ROR1: variants seen among roughly 807,000 people sequenced by gnomAD.
The protein encoded by ROR1 is inactive tyrosine-protein kinase transmembrane receptor ROR1.
In ROR1, 19 loss-of-function variants were observed where a neutral mutation model predicts 78.8. That is an observed-to-expected ratio of 0.24 (90% CI 0.17 to 0.35). ROR1 has a LOEUF of 0.35. Among genes scored for constraint, ROR1 ranks in the 10% least tolerant of loss-of-function variants. The probability of loss-of-function intolerance (pLI) is 1.00; values close to 1 mark genes in which losing one functional copy is unlikely to be tolerated. For synonymous variants in ROR1, 386 were observed against 433.6 expected (o/e 0.89, Z 1.36); for missense variants, 917 against 1,177.8 (o/e 0.78, Z 3.24).
At chr1:63,971,878 TGGAGA>T (rs1646122307) in intron 1 of ROR1, among the ~76,000 whole-genome samples, 1 of 152,126 alleles carries the variant, frequency 6.6e-6, no homozygotes, top group Non-Finnish European at 1.5e-5. Flanking sequence ...TGCCAGCAGT[TGGAGA>T]GCAGTATATT....
intron 4 of ROR1, among the ~76,000 whole-genome samples, chr1:64,116,502 A>G (rs916631221): frequency 2.6e-5 from 4 of 152,176 alleles, no homozygotes; most frequent in Non-Finnish European, 4.4e-5. Flanking sequence ...CTTTTACGAA[A>G]GGAATATGTT....
In ROR1 at chr1:64,140,313, T is replaced by C. The variant is rs1339735032; in HGVS notation, c.815T>C (p.Met272Thr). 1 of 1,614,136 alleles carries C rather than the reference T, an allele frequency of 6.2e-7. No homozygotes were observed. Among genetic ancestry groups the C allele is most frequent in the African/African-American group, 1.3e-5 (1 of 75,026 alleles). ...TEYIFARSNP[M>T]ILMRLKLPNC... ...TACATTTTTGCAAGATCAAATCCCATGATTCTGATGAGGCTGAAACTGCCA... is the reference window on the plus strand; with the variant it reads ...TACATTTTTGCAAGATCAAATCCCACGATTCTGATGAGGCTGAAACTGCCA... The change falls in exon 6 of 9, where the codon ATG (methionine) becomes ACG (threonine). Residue 272 changes from methionine (M) to threonine (T), a missense_variant. By Grantham distance (81) the Met-to-Thr change is moderately conservative (BLOSUM62 -1). Around this residue, in one of 3 missense-constraint regions of ROR1, gnomAD observed 835 missense variants for 1,069.8 expected, o/e 0.78. Transcript: ENST00000371079.
At chr1:63,998,845 G>A (rs796697652) in intron 1 of ROR1, among the ~76,000 whole-genome samples, 1 of 152,100 alleles carries the variant, frequency 6.6e-6, no homozygotes, top group Non-Finnish European at 1.5e-5. Flanking sequence ...ATGTGTTGAG[G>A]GACCCAGTGG....
chr1:63,985,120 C>T (rs182559300), intron 1 of ROR1, among the ~76,000 whole-genome samples: 25 of 152,186 alleles, frequency 1.6e-4, no homozygotes, highest in South Asian at 2.1e-4. Flanking sequence ...CCTGGGTCTC[C>T]GCACTTTCTC....
intron 1 of ROR1, among the ~76,000 whole-genome samples, chr1:63,996,102 A>G (rs1046911928): frequency 5.9e-5 from 9 of 152,184 alleles, no homozygotes; most frequent in African/African-American, 2.2e-4. Context: ...GTTTGGTGCA[A>G]CATTGATACT....
intron 7 of ROR1, among the ~76,000 whole-genome samples, chr1:64,157,834 C>T (rs1282837173): frequency 5.9e-5 from 9 of 152,176 alleles, no homozygotes; most frequent in African/African-American, 4.8e-5. Flanking sequence ...TAGTGCCTGA[C>T]ATGCAGTAGC....
chr1:63,973,334 C>G (rs548264425), intron 1 of ROR1, among the ~76,000 whole-genome samples: 1 of 152,308 alleles, frequency 6.6e-6, no homozygotes, highest in Non-Finnish European at 1.5e-5. Context: ...CTGCCCAGAG[C>G]ATATTTATGA....
chr1:63,885,511 G>A (rs1415744721), intron 1 of ROR1, among the ~76,000 whole-genome samples: 1 of 152,134 alleles, frequency 6.6e-6, no homozygotes, highest in Non-Finnish European at 1.5e-5. Context: ...CTTTTGTTCT[G>A]AAGGAGCTTC....
intron 1 of ROR1, among the ~76,000 whole-genome samples, chr1:64,001,679 G>A (rs1199882934): frequency 6.6e-6 from 1 of 152,116 alleles, no homozygotes; most frequent in Non-Finnish European, 1.5e-5. Flanking sequence ...TGGACTGTTA[G>A]GAGAAGTATT....
At chr1:64,105,535 C>A (rs1647762870) in intron 4 of ROR1, 1 of 152,150 alleles carries the variant, frequency 6.6e-6, no homozygotes, top group African/African-American at 2.4e-5. Context: ...TTGCCCATGC[C>A]TATGTCCTGA....
intron 4 of ROR1, among the ~76,000 whole-genome samples, chr1:64,088,995 T>G (rs1427477265): frequency 1.3e-5 from 2 of 152,066 alleles, no homozygotes; most frequent in Admixed American, 1.3e-4. Flanking sequence ...TTTAAGAATT[T>G]TTTTTACTAT....
chr1:63,845,140 G>A (rs1232262665), intron 1 of ROR1, among the ~76,000 whole-genome samples: 2 of 152,046 alleles, frequency 1.3e-5, no homozygotes, highest in Non-Finnish European at 2.9e-5. Context: ...TTAATGTCAT[G>A]CTTTTGAATT....
At chr1:64,169,148 C>T (rs548629473) in intron 8 of ROR1, among the ~76,000 whole-genome samples, 1 of 152,314 alleles carries the variant, frequency 6.6e-6, no homozygotes, top group East Asian at 1.9e-4. Flanking sequence ...AGAAAAAGGA[C>T]CTGGGATAGC....
At chr1:64,075,795 T>C (rs756883007) in intron 4 of ROR1, among the ~76,000 whole-genome samples, 3 of 152,230 alleles carry the variant, frequency 2.0e-5, no homozygotes, top group Non-Finnish European at 4.4e-5. Flanking sequence ...TTAATGGCTC[T>C]AAGAGTTCAC....
chr1:63,900,747 C>T (rs1052247353), intron 1 of ROR1, among the ~76,000 whole-genome samples: 3 of 151,986 alleles, frequency 2.0e-5, no homozygotes, highest in African/African-American at 7.2e-5. Context: ...ATTTTCTATT[C>T]GTATGCATTA....
At chr1:64,115,019 C>T (rs1266375793) in intron 4 of ROR1, among the ~76,000 whole-genome samples, 1 of 152,152 alleles carries the variant, frequency 6.6e-6, no homozygotes, top group Non-Finnish European at 1.5e-5. Context: ...GGCTGGATTG[C>T]AGTGGTGCGA....
chr1:63,913,930 G>T (rs1645590256), intron 1 of ROR1, among the ~76,000 whole-genome samples: 1 of 152,116 alleles, frequency 6.6e-6, no homozygotes, highest in African/African-American at 2.4e-5. Flanking sequence ...CTCTCCCGGG[G>T]AGCCTTCCCT....
At chr1:63,880,389 G>C (rs1368852090) in intron 1 of ROR1, among the ~76,000 whole-genome samples, 1 of 152,112 alleles carries the variant, frequency 6.6e-6, no homozygotes, top group African/African-American at 2.4e-5. Flanking sequence ...ATGTTTAGAA[G>C]CTGATGGGGT....
chr1:63,955,489 C>T (rs948987598), intron 1 of ROR1, among the ~76,000 whole-genome samples: 2 of 151,956 alleles, frequency 1.3e-5, no homozygotes, highest in East Asian at 1.9e-4. Flanking sequence ...ATAAGTTATC[C>T]CTCGTTTTTC....
Sources: gnomAD v4.1 joint callset for allele counts (sites outside exome capture counted in the v4.1 genomes callset) on GRCh38, gnomAD v4.1.1 for gene constraint, gnomAD v4.1.1 regional missense constraint, MANE v1.5 for transcripts, NCBI Gene and HGNC (gene_info 2026-07-23, HGNC 2026-07-21) for gene names.